TENT4B: variants seen among roughly 807,000 people sequenced by gnomAD.
TENT4B encodes the protein PAP associated domain containing 5.
TENT4B carries 10 observed loss-of-function variants against 75.0 expected under a neutral mutation model. The observed-to-expected ratio is 0.13, with a 90% CI of 0.08 to 0.23. The LOEUF (loss-of-function observed/expected upper bound fraction) is 0.23. TENT4B is among the 10% of genes least tolerant of loss of function. The pLI is 1.00. For synonymous variants in TENT4B, 350 were observed against 357.7 expected (o/e 0.98, Z 0.24); for missense variants, 579 against 893.8 (o/e 0.65, Z 4.49).
chr16:50,194,432 C>T (rs756271156), intron 1 of TENT4B, among the ~76,000 whole-genome samples: 1 of 152,064 alleles, frequency 6.6e-6, no homozygotes, highest in Non-Finnish European at 1.5e-5. Context: ...CCAGGCTGGT[C>T]TTGAACTTCT....
At chr16:50,190,031 G>T (rs2038607986) in intron 1 of TENT4B, among the ~76,000 whole-genome samples, 2 of 147,866 alleles carry the variant, frequency 1.4e-5, no homozygotes, top group Admixed American at 1.4e-4. Flanking sequence ...AGCTGAGATT[G>T]TGCCACTGCA....
chr16:50,208,661 A>G (rs778437436), intron 1 of TENT4B, among the ~76,000 whole-genome samples: 35 of 152,338 alleles, frequency 2.3e-4, no homozygotes, highest in Non-Finnish European at 2.9e-4. Context: ...ACCCAGGGCA[A>G]GGATCATGTT....
At chr16:50,162,440 A>G (rs189192360) in intron 1 of TENT4B, among the ~76,000 whole-genome samples, 6 of 152,294 alleles carry the variant, frequency 3.9e-5, no homozygotes, top group African/African-American at 1.4e-4. Flanking sequence ...AATATATGAG[A>G]TATCCAGTTT....
intron 1 of TENT4B, 59 bp from the exon 2 acceptor site, chr16:50,211,264 A>G (rs904449862): frequency 1.9e-5 from 28 of 1,484,212 alleles, no homozygotes; most frequent in Non-Finnish European, 2.7e-6. Context: ...ATTATTTAAG[A>G]TAGTGATTTC....
intron 1 of TENT4B, among the ~76,000 whole-genome samples, chr16:50,176,313 G>A (rs952309022): frequency 6.6e-6 from 1 of 151,092 alleles, no homozygotes; most frequent in African/African-American, 2.4e-5. Context: ...TCAAACTCCT[G>A]AGCTCATATG....
intron 2 of TENT4B, among the ~76,000 whole-genome samples, chr16:50,213,616 C>T (rs1225730699): frequency 1.3e-5 from 2 of 152,152 alleles, no homozygotes; most frequent in East Asian, 3.8e-4. Context: ...AATGAGGGAA[C>T]ATTAGTGATC....
In TENT4B at chr16:50,211,395, G is replaced by T; in HGVS notation, c.711G>T (p.Glu237Asp). 1 of 1,608,174 alleles carries T rather than the reference G, an allele frequency of 6.2e-7. No homozygotes were observed. Among genetic ancestry groups the T allele is most frequent in the Non-Finnish European group, 8.5e-7 (1 of 1,178,496 alleles). ...CTGAGGAGGAGAAGATGCGGATGGAGGTGGTGAACAGGATCGAGAGTGTAA... is the reference window on the plus strand; with the variant it reads ...CTGAGGAGGAGAAGATGCGGATGGATGTGGTGAACAGGATCGAGAGTGTAA... ...PRPEEEKMRM[E>D]VVNRIESVIK... The change falls in exon 2 of 12, where the codon GAG (glutamate) becomes GAT (aspartate). Residue 237 changes from glutamate to aspartate, a missense_variant. Glu to Asp is a conservative substitution (Grantham distance 45). This residue lies in a region of TENT4B where 16 missense variants were observed against 60.1 expected (regional missense o/e 0.27). Coordinates refer to ENST00000561678, the MANE Select transcript of TENT4B (RefSeq NM_001365324.3).
chr16:50,187,939 A>AT (rs2038565322), intron 1 of TENT4B, among the ~76,000 whole-genome samples: 1 of 152,088 alleles, frequency 6.6e-6, no homozygotes, highest in South Asian at 2.1e-4. Context: ...TTCTTTCTTT[A>AT]TTTTTTAAAA....
At chr16:50,214,075 C>T in intron 2 of TENT4B, 146 bp from the exon 3 acceptor site, 1 of 630,674 alleles carries the variant, frequency 1.6e-6, no homozygotes, top group South Asian at 1.8e-5. Context: ...CTTCATGAAG[C>T]TTGGGGTTAG....
chr16:50,217,620 A>C lies in TENT4B; in HGVS notation c.995A>C (p.Gln332Pro). ...AAAGTTGATATCAGCTTTAATGTACAGAATGGCGTGAGAGCAGCTGACCTC... is the reference window on the plus strand; with the variant it reads ...AAAGTTGATATCAGCTTTAATGTACCGAATGGCGTGAGAGCAGCTGACCTC... ...EVKVDISFNVQNGVRAADLIK... is the reference protein window; with the variant it reads ...EVKVDISFNVPNGVRAADLIK... The change falls in exon 5 of 12, where the codon CAG (glutamine) becomes CCG (proline). Residue 332 changes from glutamine to proline, a missense_variant. By Grantham distance (76) the Gln-to-Pro change is moderately conservative (BLOSUM62 -1). Transcript: ENST00000561678. 1 of 1,537,496 alleles carries C rather than the reference A, an allele frequency of 6.5e-7. No individual in the cohort carries two copies. Among genetic ancestry groups the C allele is most frequent in the South Asian group, 1.2e-5 (1 of 80,022 alleles).
intron 2 of TENT4B, among the ~76,000 whole-genome samples, chr16:50,212,056 TAA>T (rs1225581606): frequency 6.6e-6 from 1 of 152,178 alleles, no homozygotes; most frequent in East Asian, 1.9e-4. Context: ...TTACTGGTAC[TAA>T]GTCTTTTGTT....
Position 50,154,906 on chromosome 16 carries a change from G to T in TENT4B, c.638+647G>T, listed in dbSNP as rs533018826. ...GCCCTGTCTATGCAGAGGGTGGCGTGGGATGGGTGACCACTAAGTTTAGGC... is the reference window on the plus strand; with the variant it reads ...GCCCTGTCTATGCAGAGGGTGGCGTTGGATGGGTGACCACTAAGTTTAGGC... On this transcript the variant is annotated intron_variant, in intron 1 of 11. Transcript: ENST00000561678. 1.6e-4 allele frequency among the ~76,000 whole-genome samples: 25 copies of T among 152,266 alleles called. No individual in the cohort carries two copies. The South Asian group carries it at 5.2e-3, about 32-fold the overall frequency.
At chr16:50,156,838 T>G (rs367589287) in intron 1 of TENT4B, among the ~76,000 whole-genome samples, 3 of 152,014 alleles carry the variant, frequency 2.0e-5, no homozygotes, top group Non-Finnish European at 4.4e-5. Context: ...TTATTTTTAC[T>G]TTTTGTAGAG....
chr16:50,223,350 G>A lies in TENT4B; in HGVS notation c.1344G>A (p.Arg448=). 1 of 1,612,934 alleles carries A rather than the reference G, an allele frequency of 6.2e-7. No homozygotes were observed. The highest frequency in any genetic ancestry group is 8.5e-7 in the Non-Finnish European group (1 of 1,179,336). Residue 448 remains arginine (R), a synonymous_variant, in exon 7 of 12, where the codon AGG becomes AGA. Transcript: ENST00000561678. ...EVQKNMLDGY[R]PSMLYIEDPL... ...AGAAAAATATGCTAGATGGCTACAGGCCATCAATGCTTTATATCGAAGATC... is the reference window on the plus strand; with the variant it reads ...AGAAAAATATGCTAGATGGCTACAGACCATCAATGCTTTATATCGAAGATC...
At position 50,234,208 on chromosome 16, in the gene TENT4B, C is replaced by T; in HGVS notation, c.*4880C>T. 1 of 985,540 alleles carries T rather than the reference C, an allele frequency of 1.0e-6. No individual in the cohort carries two copies. The allele number at this position is 985,540 out of a possible 1,614,324, so 61.0% of individuals were successfully genotyped here. A position where few individuals can be genotyped will look rare whatever the true frequency, so the allele number is the denominator to read the frequency against. On this transcript the variant is annotated 3_prime_UTR_variant, in exon 12 of 12. Transcript: ENST00000561678. Reference sequence around the variant, plus strand: ...GTGGCTCACGCCTGTAATCCCAGCACTTTGGGAGGCCGAAGCGGGAGGATG... The same window carrying T: ...GTGGCTCACGCCTGTAATCCCAGCATTTTGGGAGGCCGAAGCGGGAGGATG...
At chr16:50,153,165 C>G (rs1328069382), upstream of TENT4B, 2 of 46,396 alleles carry the variant, frequency 4.3e-5, no homozygotes, top group African/African-American at 3.9e-4. Flanking sequence ...GCGGGGCGAG[C>G]GCGTGAGGGC....
intron 1 of TENT4B, among the ~76,000 whole-genome samples, chr16:50,159,189 T>G (rs1406505348): frequency 1.3e-5 from 2 of 152,062 alleles, no homozygotes; most frequent in Non-Finnish European, 2.9e-5. Context: ...AGGGCTTATA[T>G]CTGCTTCTCT....
At chr16:50,161,506 C>T (rs974356870) in intron 1 of TENT4B, among the ~76,000 whole-genome samples, 3 of 152,082 alleles carry the variant, frequency 2.0e-5, no homozygotes, top group Admixed American at 6.6e-5. Context: ...ATATTTAGTG[C>T]GGAAACCTGT....
chr16:50,220,502 A>G (rs2031777903), intron 5 of TENT4B, among the ~76,000 whole-genome samples: 1 of 151,830 alleles, frequency 6.6e-6, no homozygotes, highest in Non-Finnish European at 1.5e-5. Context: ...TTGAAAGGGA[A>G]CTGTATCTAG....
Sources: allele counts gnomAD v4.1 joint callset (sites outside exome capture counted in the v4.1 genomes callset), GRCh38; gene constraint gnomAD v4.1.1; regional missense constraint gnomAD v4.1.1; transcripts MANE v1.5; gene names NCBI Gene and HGNC (gene_info 2026-07-23, HGNC 2026-07-21).